PTPRD: variants seen among roughly 807,000 people sequenced by gnomAD.
PTPRD encodes receptor-type tyrosine-protein phosphatase delta.
PTPRD carries 34 observed loss-of-function variants against 214.5 expected under a neutral mutation model. That is an observed-to-expected ratio of 0.16 (90% CI 0.12 to 0.21). The LOEUF (loss-of-function observed/expected upper bound fraction) is 0.21. Ranked by LOEUF, PTPRD falls within the 10% of genes least tolerant of loss-of-function variation. PTPRD has a pLI of 1.00. For synonymous variants in PTPRD, 1,128 were observed against 845.7 expected, an observed-to-expected ratio of 1.33 and a Z score of -5.79; for missense variants, 2,545 against 2,398.7, an observed-to-expected ratio of 1.06 and a Z score of -1.27.
At position 10,612,917 on chromosome 9, in the gene PTPRD, G is replaced by C. The variant is rs2081366672; in HGVS notation, c.-937C>G. Among the ~76,000 whole-genome samples the C allele has an allele frequency of 6.6e-6, 1 of 151,710 alleles. No individual in the cohort carries two copies. The highest frequency in any genetic ancestry group is 6.6e-5 in the Admixed American group (1 of 15,220). On this transcript the variant is annotated 5_prime_UTR_variant, in exon 1 of 46. Coordinates refer to ENST00000381196, the MANE Select transcript of PTPRD (RefSeq NM_002839.4). ...CCACGCGCTCCGGCCGCCGGCTGCG[G>C]GCGCGGCTGGGCGGGGAGCCGAGGC...
intron 3 of PTPRD, among the ~76,000 whole-genome samples, chr9:10,196,554 C>G (rs1453893688): frequency 6.6e-6 from 1 of 152,008 alleles, no homozygotes; most frequent in Non-Finnish European, 1.5e-5. Context: ...ACAGCAAATG[C>G]TAATTCATTA....
At chr9:10,596,016 G>T (rs546608834) in intron 2 of PTPRD, among the ~76,000 whole-genome samples, 2 of 151,678 alleles carry the variant, frequency 1.3e-5, no homozygotes, top group Non-Finnish European at 3.0e-5. Context: ...CTTTCAAATC[G>T]TTTTTCTTCT....
chr9:8,968,794 A>G (rs986024804), intron 11 of PTPRD, among the ~76,000 whole-genome samples: 1 of 152,112 alleles, frequency 6.6e-6, no homozygotes, highest in Admixed American at 6.6e-5. Context: ...TGTGACATAG[A>G]TATGAGAAAG....
At chr9:10,003,920 A>T (rs1472383085) in intron 4 of PTPRD, among the ~76,000 whole-genome samples, 2 of 151,868 alleles carry the variant, frequency 1.3e-5, no homozygotes, top group Non-Finnish European at 3.0e-5. Flanking sequence ...CAAATTATTC[A>T]AAATTAATTT....
At chr9:10,090,403 G>C (rs73641850) in intron 3 of PTPRD, among the ~76,000 whole-genome samples, 3 of 151,250 alleles carry the variant, frequency 2.0e-5, no homozygotes, top group African/African-American at 4.9e-5. Flanking sequence ...ACTGCAGTGA[G>C]GGACGTATAT....
chr9:9,408,041 G>A (rs73641499), intron 8 of PTPRD, among the ~76,000 whole-genome samples: 1 of 151,704 alleles, frequency 6.6e-6, no homozygotes, highest in Admixed American at 6.6e-5. Context: ...AGCTAAACTG[G>A]TTAATTTTAA....
chr9:8,711,385 C>T (rs1008045052), intron 12 of PTPRD, among the ~76,000 whole-genome samples: 1 of 152,024 alleles, frequency 6.6e-6, no homozygotes, highest in Non-Finnish European at 1.5e-5. Flanking sequence ...ACTTAAACCT[C>T]AATAAATGTA....
intron 3 of PTPRD, among the ~76,000 whole-genome samples, chr9:10,214,009 A>G (rs2099529119): frequency 6.6e-6 from 1 of 152,060 alleles, no homozygotes; most frequent in Admixed American, 6.6e-5. Flanking sequence ...ACAATTATCT[A>G]TCAACAGCTG....
intron 7 of PTPRD, among the ~76,000 whole-genome samples, chr9:9,643,859 T>C (rs2096056798): frequency 6.6e-6 from 1 of 152,218 alleles, no homozygotes; most frequent in South Asian, 2.1e-4. Context: ...AAATATCTTT[T>C]ATTTTGGAAC....
intron 9 of PTPRD, among the ~76,000 whole-genome samples, chr9:9,239,269 T>C (rs1444746003): frequency 6.6e-6 from 1 of 151,922 alleles, no homozygotes; most frequent in Non-Finnish European, 1.5e-5. Context: ...TTTTGGTTCA[T>C]GTGATATGAG....
chr9:10,326,667 T>G (rs10959045), intron 3 of PTPRD, among the ~76,000 whole-genome samples: 48,313 of 151,262 alleles, frequency 0.32, 8,972 homozygotes, highest in African/African-American at 0.51. Context: ...TTTTTGAAAA[T>G]GTGAAGCATG....
chr9:8,720,350 C>G (rs1237357535), intron 12 of PTPRD, among the ~76,000 whole-genome samples: 1 of 152,200 alleles, frequency 6.6e-6, no homozygotes, highest in African/African-American at 2.4e-5. Context: ...TGCTGAAGGG[C>G]CAGGCCCAGA....
intron 9 of PTPRD, among the ~76,000 whole-genome samples, chr9:9,282,501 AG>A (rs1948070814): frequency 6.6e-6 from 1 of 151,396 alleles, no homozygotes; most frequent in Non-Finnish European, 1.5e-5. Context: ...AGATGGTTTT[AG>A]TTTTTCTGCT....
chr9:8,814,321 C>T (rs532745926), intron 11 of PTPRD, among the ~76,000 whole-genome samples: 3 of 152,044 alleles, frequency 2.0e-5, no homozygotes, highest in Non-Finnish European at 4.4e-5. Flanking sequence ...CTACAGAATG[C>T]GTGAGGGCAG....
At chr9:8,347,076 T>C (rs1159258151) in intron 39 of PTPRD, among the ~76,000 whole-genome samples, 2 of 151,260 alleles carry the variant, frequency 1.3e-5, no homozygotes, top group Admixed American at 6.6e-5. Context: ...TGTTGGATCA[T>C]ATCCCCTGCG....
chr9:9,089,764 G>T (rs1591431729), intron 10 of PTPRD, among the ~76,000 whole-genome samples: 1 of 152,156 alleles, frequency 6.6e-6, no homozygotes, highest in Non-Finnish European at 1.5e-5. Context: ...TCAGGGCTGG[G>T]GAAAATAGTT....
intron 11 of PTPRD, among the ~76,000 whole-genome samples, chr9:8,769,576 G>C (rs2095039552): frequency 6.6e-6 from 1 of 152,056 alleles, no homozygotes; most frequent in African/African-American, 2.4e-5. Context: ...ATGAAAAAAT[G>C]TGTCCCCCAC....
chr9:8,780,299 T>C (rs139353297), intron 11 of PTPRD, among the ~76,000 whole-genome samples: 1 of 152,286 alleles, frequency 6.6e-6, no homozygotes, highest in African/African-American at 2.4e-5. Flanking sequence ...CTCTTACCAA[T>C]CCATCCCTTT....
intron 44 of PTPRD, among the ~76,000 whole-genome samples, chr9:8,321,185 T>C (rs554208386): frequency 3.9e-5 from 6 of 152,098 alleles, no homozygotes; most frequent in Middle Eastern, 6.8e-3. Flanking sequence ...CTCTCTTAGT[T>C]GTGAGAAACT....
Sources: allele counts gnomAD v4.1 joint callset (sites outside exome capture counted in the v4.1 genomes callset), GRCh38; gene constraint gnomAD v4.1.1; transcripts MANE v1.5; gene names NCBI Gene and HGNC (gene_info 2026-07-23, HGNC 2026-07-21).